The following RBFOX1 variants were observed in gnomAD, a reference collection of about 807,000 sequenced individuals.
The protein encoded by RBFOX1 is RNA binding protein fox-1 homolog 1.
Under a neutral mutation model 57.7 loss-of-function variants are expected in RBFOX1, and 8 were observed. That is an observed-to-expected ratio of 0.14 (90% CI 0.08 to 0.25). The LOEUF is 0.25. Ranked by LOEUF, RBFOX1 falls within the 10% of genes least tolerant of loss-of-function variation. The probability of loss-of-function intolerance (pLI) is 1.00; values close to 1 mark genes in which losing one functional copy is unlikely to be tolerated. For missense variants in RBFOX1, 611 were observed against 548.5 expected, an observed-to-expected ratio of 1.11 and a Z score of -1.14; for synonymous variants, 326 against 222.4, an observed-to-expected ratio of 1.47 and a Z score of -4.15.
chr16:7,550,083 C>G (rs560337050), intron 5 of RBFOX1, among the ~76,000 whole-genome samples: 76 of 151,772 alleles, frequency 5.0e-4, no homozygotes, highest in African/African-American at 1.6e-3. Flanking sequence ...GCACACAACA[C>G]CATGCCTGGC....
rs565619836 is a variant in RBFOX1 at position 6,232,719 on chromosome 16, G to A, written c.-126-84276G>A. The stretch of plus-strand genomic sequence containing the variant: ...CTCTGCCTTGTGCCTGCCTGTCTCT[G>A]AGTTTCTCTTAATGCTTTTCCAAAA... On this transcript the variant is annotated intron_variant, in intron 1 of 15. Transcript: ENST00000550418. 1.7e-4 allele frequency among the ~76,000 whole-genome samples: 26 copies of A among 152,272 alleles called. No individual in the cohort carries two copies. In the South Asian group the frequency reaches 4.8e-3, roughly 28 times the overall value.
At chr16:6,154,558 T>C (rs891515775) in intron 1 of RBFOX1, among the ~76,000 whole-genome samples, 5 of 152,324 alleles carry the variant, frequency 3.3e-5, no homozygotes, top group Middle Eastern at 3.4e-3. Flanking sequence ...GTGATGAGGA[T>C]GACAAGATGG....
At chr16:6,094,553 G>C (rs758122088) in intron 1 of RBFOX1, among the ~76,000 whole-genome samples, 107 of 152,172 alleles carry the variant, frequency 7.0e-4, no homozygotes, top group Non-Finnish European at 1.4e-3. Context: ...GTTATTTTAG[G>C]AGAAATAAAA....
chr16:7,111,378 C>T (rs1026556305), intron 4 of RBFOX1, among the ~76,000 whole-genome samples: 1 of 152,204 alleles, frequency 6.6e-6, no homozygotes, highest in Non-Finnish European at 1.5e-5. Flanking sequence ...ATTTTTTCCT[C>T]ATAGTAAATA....
intron 4 of RBFOX1, among the ~76,000 whole-genome samples, chr16:7,446,593 A>G (rs989841118): frequency 3.3e-5 from 5 of 152,172 alleles, no homozygotes; most frequent in Non-Finnish European, 7.4e-5. Flanking sequence ...CTAGTGTCCT[A>G]TAGTTCTCTT....
intron 4 of RBFOX1, among the ~76,000 whole-genome samples, chr16:7,052,988 G>A (rs1228884542): frequency 2.0e-5 from 3 of 152,162 alleles, no homozygotes; most frequent in Non-Finnish European, 2.9e-5. Context: ...ACAACAGTGG[G>A]ATTTGGCGTT....
At chr16:5,450,717 C>T (rs74004315) in intron 1 of RBFOX1, among the ~76,000 whole-genome samples, 10,573 of 152,260 alleles carry the variant, frequency 0.069, 500 homozygotes, top group African/African-American at 0.13. Flanking sequence ...TGGAATTCGG[C>T]TCTGATGCCT....
At chr16:7,640,352 G>T (rs371898443) in intron 11 of RBFOX1, among the ~76,000 whole-genome samples, 1 of 152,300 alleles carries the variant, frequency 6.6e-6, no homozygotes, top group African/African-American at 2.4e-5. Context: ...CATTGCTTTC[G>T]TTATTAATCT....
At chr16:6,498,157 C>T (rs1240424291) in intron 2 of RBFOX1, among the ~76,000 whole-genome samples, 1 of 150,988 alleles carries the variant, frequency 6.6e-6, no homozygotes, top group Admixed American at 6.7e-5. Flanking sequence ...AAGGCTGAGG[C>T]ACGAGAATCA....
At chr16:6,936,464 C>T (rs924758686) in intron 3 of RBFOX1, among the ~76,000 whole-genome samples, 1 of 152,172 alleles carries the variant, frequency 6.6e-6, no homozygotes, top group South Asian at 2.1e-4. Context: ...ATTATCATTA[C>T]TTTCTTCCTT....
chr16:7,043,166 C>A (rs146288607), intron 3 of RBFOX1, among the ~76,000 whole-genome samples: 33 of 152,246 alleles, frequency 2.2e-4, no homozygotes, highest in African/African-American at 7.9e-4. Context: ...GATCAAGGGT[C>A]TCAGCTCCAG....
At chr16:6,756,836 G>A (rs145961842) in intron 3 of RBFOX1, among the ~76,000 whole-genome samples, 68 of 152,090 alleles carry the variant, frequency 4.5e-4, no homozygotes, top group East Asian at 4.1e-3. Context: ...TTAGCCAGGC[G>A]TGGTGGCAGA....
chr16:7,044,477 G>T (rs1352146405), intron 3 of RBFOX1, among the ~76,000 whole-genome samples: 1 of 152,180 alleles, frequency 6.6e-6, no homozygotes, highest in East Asian at 1.9e-4. Flanking sequence ...CGGGGAAGAT[G>T]AATCCCTGCT....
chr16:5,863,418 T>C (rs1427140192), intron 3 of RBFOX1, among the ~76,000 whole-genome samples: 19 of 152,244 alleles, frequency 1.2e-4, no homozygotes, highest in Middle Eastern at 3.4e-3. Flanking sequence ...GATGGCTTGA[T>C]AAAAGCCCAT....
intron 2 of RBFOX1, among the ~76,000 whole-genome samples, chr16:5,595,690 A>G (rs987798478): frequency 6.6e-6 from 1 of 151,938 alleles, no homozygotes; most frequent in African/African-American, 2.4e-5. Flanking sequence ...GACAGCCACT[A>G]CCTCCCTCGC....
chr16:7,143,775 G>T (rs1353223331), intron 4 of RBFOX1, among the ~76,000 whole-genome samples: 4 of 151,214 alleles, frequency 2.6e-5, no homozygotes, highest in African/African-American at 7.3e-5. Flanking sequence ...AGTGCTTACT[G>T]AGTATCTACA....
intron 3 of RBFOX1, among the ~76,000 whole-genome samples, chr16:6,780,520 TTA>T (rs1204945162): frequency 1.7e-5 from 2 of 115,894 alleles, no homozygotes; most frequent in African/African-American, 3.2e-5. Context: ...ATATATACAT[TTA>T]TATATATTTA....
rs1180256412 is a variant in RBFOX1, at chr16:5,377,203, A to G, written c.220-90013A>G. 2.0e-5 allele frequency among the ~76,000 whole-genome samples: 3 copies of G among 151,576 alleles called. 1 individual carries two copies. Among genetic ancestry groups the G allele is most frequent in the African/African-American group, 7.3e-5 (3 of 40,832 alleles). ...GGGATGCAAGTGCAAATAGTCAGAC[A>G]TGACATCTGCCTCCCCCACGCACAG... On this transcript the variant is annotated intron_variant, in intron 1 of 2. Coordinates refer to the RBFOX1 transcript ENST00000585867.
chr16:6,133,819 C>G (rs1218168500), intron 1 of RBFOX1, among the ~76,000 whole-genome samples: 1 of 152,078 alleles, frequency 6.6e-6, no homozygotes, highest in Admixed American at 6.6e-5. Flanking sequence ...GCCTCATGTG[C>G]CCCAAGCAAT....
Sources: allele counts gnomAD v4.1 joint callset (sites outside exome capture counted in the v4.1 genomes callset), GRCh38; gene constraint gnomAD v4.1.1; transcripts MANE v1.5; gene names NCBI Gene and HGNC (gene_info 2026-07-23, HGNC 2026-07-21).